Variants in CRIM1 observed in about 807,000 individuals in gnomAD.
The protein encoded by CRIM1 is cysteine rich transmembrane BMP regulator 1, also known as cysteine-rich motor neuron 1 protein.
In CRIM1, 32 loss-of-function variants were observed where a neutral mutation model predicts 116.4. The ratio of observed to expected loss-of-function variants is 0.27; its 90% confidence interval spans 0.21 to 0.37. The LOEUF (loss-of-function observed/expected upper bound fraction) is 0.37, where lower values mean the gene tolerates loss of function less well. Among genes scored for constraint, CRIM1 ranks in the 10% least tolerant of loss-of-function variants. CRIM1 has a pLI of 1.00. For missense variants in CRIM1, 1,331 were observed against 1,354.8 expected, an observed-to-expected ratio of 0.98 and a Z score of 0.28; for synonymous variants, 590 against 509.2, an observed-to-expected ratio of 1.16 and a Z score of -2.13.
chr2:36,374,269 T>C (rs1670152399), intron 1 of CRIM1, among the ~76,000 whole-genome samples: 1 of 152,334 alleles, frequency 6.6e-6, no homozygotes. Context: ...ATTCCCTCTT[T>C]GTAGTTTTAT....
At chr2:36,448,952 G>C (rs1676468659) in intron 4 of CRIM1, among the ~76,000 whole-genome samples, 1 of 151,584 alleles carries the variant, frequency 6.6e-6, no homozygotes, top group Admixed American at 6.6e-5. Context: ...TCTGGAACAT[G>C]TGTATCTCTT....
rs62136182 is a variant in CRIM1, at chr2:36,496,829, C to G, written c.1373-2390C>G. 2.9e-3 allele frequency among the ~76,000 whole-genome samples: 440 copies of G among 152,298 alleles called. 1 individual carries two copies. The highest frequency in any genetic ancestry group is 6.8e-3 in the Middle Eastern group (2 of 294). Reference sequence around the variant, plus strand: ...CATTGTGGTTCTGATCCTCAAATAACCCAGTCCATTTGTTCCTTTCACTTT... The same window carrying G: ...CATTGTGGTTCTGATCCTCAAATAAGCCAGTCCATTTGTTCCTTTCACTTT... On this transcript the variant is annotated intron_variant, in intron 7 of 16. Coordinates refer to ENST00000280527, the MANE Select transcript of CRIM1 (RefSeq NM_016441.3).
intron 2 of CRIM1, among the ~76,000 whole-genome samples, chr2:36,404,900 AG>A (rs1378573905): frequency 1.3e-5 from 2 of 152,120 alleles, no homozygotes; most frequent in East Asian, 1.9e-4. Flanking sequence ...TAATATCATG[AG>A]TTTTTTATTC....
chr2:36,397,060 G>A (rs1175906082), intron 2 of CRIM1, among the ~76,000 whole-genome samples: 5 of 152,120 alleles, frequency 3.3e-5, no homozygotes, highest in Admixed American at 6.5e-5. Context: ...TTTCACAAGC[G>A]GTGTGCTTGA....
chr2:36,550,135 A>G lies in CRIM1; in HGVS notation c.*1434A>G, dbSNP rs931949112. Reference sequence around the variant, plus strand: ...TGGAGAAGGGTATTCCTTTATTAAAATCTTCCTCATTTGGATTTGCTTTCA... The same window carrying G: ...TGGAGAAGGGTATTCCTTTATTAAAGTCTTCCTCATTTGGATTTGCTTTCA... On this transcript the variant is annotated 3_prime_UTR_variant, in exon 17 of 17. Transcript: ENST00000280527. 1 of 152,254 alleles carries G rather than the reference A, an allele frequency of 6.6e-6. No homozygotes were observed. The highest frequency in any genetic ancestry group is 1.5e-5 in the Non-Finnish European group (1 of 67,998). 9.4% of individuals were successfully genotyped at this position (152,254 alleles called of 1,614,324 possible).
At chr2:36,420,017 T>A (rs1042409042) in intron 2 of CRIM1, among the ~76,000 whole-genome samples, 1 of 152,214 alleles carries the variant, frequency 6.6e-6, no homozygotes, top group East Asian at 1.9e-4. Flanking sequence ...TGTTTGTCGC[T>A]TCTGACTTCT....
intron 7 of CRIM1, among the ~76,000 whole-genome samples, chr2:36,498,694 T>G (rs1353344976): frequency 2.0e-5 from 3 of 152,040 alleles, no homozygotes; most frequent in Non-Finnish European, 4.4e-5. Context: ...CTACCATAAG[T>G]GAGGGAGTGC....
chr2:36,517,382 T>C lies in CRIM1; in HGVS notation c.2046T>C (p.Pro682=). 4 of 1,614,216 alleles carry C rather than the reference T, an allele frequency of 2.5e-6. No homozygotes were observed. The highest frequency in any genetic ancestry group is 2.5e-6 in the Non-Finnish European group (3 of 1,180,026). The change falls in exon 12 of 17, where the codon CCT becomes CCC. Residue 682 remains proline (P), a synonymous_variant. Transcript: ENST00000280527. ...ELSTPSICHA[P]GGEYFVEGET... Reference sequence around the variant, plus strand: ...GTACTCCCTCCATTTGCCACGCCCCTGGAGGAGAATACTTTGTGGAAGGAG... The same window carrying C: ...GTACTCCCTCCATTTGCCACGCCCCCGGAGGAGAATACTTTGTGGAAGGAG...
Position 36,356,421 on chromosome 2 carries a change from C to G in CRIM1, c.129C>G (p.Ser43=). 3 of 1,610,778 alleles carry G rather than the reference C, an allele frequency of 1.9e-6. No individual in the cohort carries two copies. Among genetic ancestry groups the G allele is most frequent in the Non-Finnish European group, 1.7e-6 (2 of 1,179,500 alleles). The part of the protein sequence containing the change: ...RALVCLPCDE[S]KCEEPRNCPG... ...TGGTCTGCCTGCCCTGTGACGAGTC[C>G]AAGTGCGAGGAGCCCAGGAACTGCC... The change falls in exon 1 of 17, where the codon TCC becomes TCG. Residue 43 remains serine, a synonymous_variant. Transcript: ENST00000280527. The surrounding 1 kb of genome is among the most constrained non-coding windows in gnomAD (Gnocchi z 4.3).
In CRIM1 at chr2:36,368,880, C is replaced by T. The variant is rs185059105; in HGVS notation, c.331+12257C>T. On this transcript the variant is annotated intron_variant, in intron 1 of 16. Transcript: ENST00000280527. ...AATCTGTGAAATTGTTAAAAGTTTA[C>T]TAATAACTGGATAAACATTTTATGT... Among the ~76,000 whole-genome samples, 25 of 152,236 alleles carry T rather than the reference C, an allele frequency of 1.6e-4. No individual in the cohort carries two copies. The East Asian group carries it at 4.8e-3, about 29-fold the overall frequency.
At position 36,550,245 on chromosome 2, in the gene CRIM1, T is replaced by C. The variant is rs1417831276; in HGVS notation, c.*1544T>C. Reference sequence around the variant, plus strand: ...TAATCAGCTCCTGGATTTTTTTTTTTTTTTTTTCAAACAATGGTTTGAAAC... The same window carrying C: ...TAATCAGCTCCTGGATTTTTTTTTTCTTTTTTTCAAACAATGGTTTGAAAC... On this transcript the variant is annotated 3_prime_UTR_variant, in exon 17 of 17. Coordinates refer to ENST00000280527, the MANE Select transcript of CRIM1 (RefSeq NM_016441.3). 1 of 152,458 alleles carries C rather than the reference T, an allele frequency of 6.6e-6. No homozygotes were observed. Among genetic ancestry groups the C allele is most frequent in the Admixed American group, 6.6e-5 (1 of 15,246 alleles). The allele number at this position is 152,458 out of a possible 1,614,324, so 9.4% of individuals were successfully genotyped here.
intron 11 of CRIM1, among the ~76,000 whole-genome samples, chr2:36,516,554 T>C (rs539247836): frequency 3.9e-5 from 6 of 152,326 alleles, no homozygotes; most frequent in Admixed American, 1.3e-4. Flanking sequence ...ATGATAGTTT[T>C]CACCAGCCTG....
rs1680290965 is a variant in CRIM1 at position 36,492,406 on chromosome 2, T to G, written c.1373-6813T>G. 2.6e-5 allele frequency among the ~76,000 whole-genome samples: 4 copies of G among 152,294 alleles called. No individual in the cohort carries two copies. In the South Asian group the frequency reaches 6.2e-4, roughly 24 times the overall value. The stretch of plus-strand genomic sequence containing the variant: ...TTTTTTCCATGACTTAATGAGGCTT[T>G]CTTAAGTACACATTCAGATGCTACG... On this transcript the variant is annotated intron_variant, in intron 7 of 16. Transcript: ENST00000280527.
intron 1 of CRIM1, among the ~76,000 whole-genome samples, chr2:36,376,010 T>C (rs1670291256): frequency 6.6e-6 from 1 of 152,184 alleles, no homozygotes; most frequent in Non-Finnish European, 1.5e-5. Flanking sequence ...GCTGAAATTG[T>C]GTCTCCAGGA....
intron 2 of CRIM1, among the ~76,000 whole-genome samples, chr2:36,423,992 A>G (rs554385160): frequency 6.6e-6 from 1 of 152,182 alleles, no homozygotes; most frequent in African/African-American, 2.4e-5. Context: ...ATAGAAAGAA[A>G]TAGAGAAAAA....
intron 11 of CRIM1, among the ~76,000 whole-genome samples, chr2:36,514,713 A>G (rs565891259): frequency 7.4e-6 from 1 of 135,250 alleles, no homozygotes; most frequent in African/African-American, 2.8e-5. Flanking sequence ...CCACCTGTGC[A>G]AAAGGTGTAG....
chr2:36,537,373 T>C lies in CRIM1; in HGVS notation c.2450T>C (p.Val817Ala). ...CTAGAAGACACAATTCCAAAGAAGG[T>C]GGTGTGCCACTTCAGTGGGAAGGCC... ...YCIEDTIPKK[V>A]VCHFSGKAYA... The change falls in exon 14 of 17, where the codon GTG becomes GCG. Residue 817 changes from valine (V) to alanine (A), a missense_variant. Val to Ala is a moderately conservative substitution (Grantham distance 64). Transcript: ENST00000280527. 1 of 1,614,176 alleles carries C rather than the reference T, an allele frequency of 6.2e-7. No homozygotes were observed. Among genetic ancestry groups the C allele is most frequent in the Admixed American group, 1.7e-5 (1 of 60,032 alleles).
At chr2:36,544,112 A>G (rs1667145727) in intron 14 of CRIM1, among the ~76,000 whole-genome samples, 1 of 152,178 alleles carries the variant, frequency 6.6e-6, no homozygotes, top group Non-Finnish European at 1.5e-5. Context: ...TAAAACCAAC[A>G]CCATTTGACG....
chr2:36,516,290 T>C (rs1665026804), intron 11 of CRIM1, among the ~76,000 whole-genome samples: 1 of 152,178 alleles, frequency 6.6e-6, no homozygotes, highest in Admixed American at 6.5e-5. Context: ...TGACTTCCAC[T>C]GAGCTCCAAG....
Sources: allele counts gnomAD v4.1 joint callset (sites outside exome capture counted in the v4.1 genomes callset), GRCh38; gene constraint gnomAD v4.1.1; non-coding constraint Gnocchi (gnomAD v3.1); transcripts MANE v1.5; gene names NCBI Gene and HGNC (gene_info 2026-07-23, HGNC 2026-07-21).